The following RAE1 variants were observed in gnomAD, a reference collection of about 807,000 sequenced individuals.
RAE1 encodes ribonucleic acid export 1.
Under a neutral mutation model 52.7 loss-of-function variants are expected in RAE1, and 13 were observed. The observed-to-expected ratio is 0.25, with a 90% CI of 0.16 to 0.39. The LOEUF (loss-of-function observed/expected upper bound fraction) is 0.39. RAE1 is among the 10% of genes least tolerant of loss of function. The pLI is 1.00. For synonymous variants in RAE1, 164 were observed against 153.1 expected (o/e 1.07, Z -0.52); for missense variants, 262 against 459.8 (o/e 0.57, Z 3.93).
At chr20:57,369,283 T>C (rs1022853356) in intron 8 of RAE1, among the ~76,000 whole-genome samples, 8 of 152,246 alleles carry the variant, frequency 5.3e-5, no homozygotes, top group African/African-American at 1.9e-4. Context: ...AATTGGGTTC[T>C]CGTGGCAAGA....
chr20:57,376,755 A>G (rs1187333213), intron 11 of RAE1, among the ~76,000 whole-genome samples: 1 of 152,082 alleles, frequency 6.6e-6, no homozygotes, highest in East Asian at 1.9e-4. Flanking sequence ...TCTTCATTGA[A>G]TCTCCTCTTT....
At chr20:57,374,564 G>T (rs113848106) in intron 10 of RAE1, 43 bp from the exon 11 acceptor site, 10 of 1,554,894 alleles carry the variant, frequency 6.4e-6, no homozygotes, top group Non-Finnish European at 7.9e-6. Context: ...CCTTCTCTGC[G>T]CCCCTCTGCC....
intron 3 of RAE1, 97 bp downstream of exon 3, chr20:57,354,913 G>A: frequency 1.1e-6 from 1 of 914,420 alleles, no homozygotes. Context: ...TGAATCAGTT[G>A]GACTTATTTA....
intron 11 of RAE1, 28 bp from the exon 12 acceptor site, chr20:57,377,985 G>A (rs2067140343): frequency 6.6e-7 from 1 of 1,519,576 alleles, no homozygotes; most frequent in African/African-American, 1.4e-5. Flanking sequence ...TGAATAATAA[G>A]ATCATTGGTG....
intron 5 of RAE1, among the ~76,000 whole-genome samples, chr20:57,365,676 G>A (rs2066945360): frequency 6.6e-6 from 1 of 152,146 alleles, no homozygotes; most frequent in South Asian, 2.1e-4. Context: ...TATATGTATG[G>A]ATGGAGTCAT....
Position 57,365,451 on chromosome 20 carries a change from A to G in RAE1, c.375+9A>G. ...CGATACAGATCGCACAGGTAACAGA[A>G]GCCTCTGCAGAAAGGCTAGGCACAA... On this transcript the variant is annotated intron_variant, in intron 5 of 11. Coordinates refer to ENST00000395841, the MANE Select transcript of RAE1 (RefSeq NM_003610.4). 3.2e-6 allele frequency: 5 copies of G among 1,580,806 alleles called. No homozygotes were observed. Among genetic ancestry groups the G allele is most frequent in the Non-Finnish European group, 4.3e-6 (5 of 1,159,322 alleles).
chr20:57,377,192 A>G (rs2067128388), intron 11 of RAE1, among the ~76,000 whole-genome samples: 1 of 152,216 alleles, frequency 6.6e-6, no homozygotes, highest in African/African-American at 2.4e-5. Context: ...TGGGAAGAGA[A>G]TAAAAATGTG....
chr20:57,361,393 C>G (rs148766323), intron 4 of RAE1, among the ~76,000 whole-genome samples: 2,625 of 152,024 alleles, frequency 0.017, 38 homozygotes, highest in Non-Finnish European at 0.026. Context: ...TTGGGGTGTT[C>G]GTGGTTAAAA....
chr20:57,375,521 C>T (rs1413720490), intron 11 of RAE1, among the ~76,000 whole-genome samples: 2 of 152,102 alleles, frequency 1.3e-5, no homozygotes, highest in Non-Finnish European at 2.9e-5. Context: ...GCGCTGACCC[C>T]GTCTCCTTCC....
chr20:57,354,302 C>G (rs1242083630), intron 2 of RAE1, among the ~76,000 whole-genome samples, 174 bp downstream of exon 2: 1 of 152,232 alleles, frequency 6.6e-6, no homozygotes, highest in Admixed American at 6.5e-5. Context: ...GTACTTGTGT[C>G]CTGTTCTTCC....
rs758243618 is a variant in RAE1 at position 57,356,449 on chromosome 20, C to G, written c.199C>G (p.Arg67Gly). 2 of 1,610,480 alleles carry G rather than the reference C, an allele frequency of 1.2e-6. No individual in the cohort carries two copies. Among genetic ancestry groups the G allele is most frequent in the Non-Finnish European group, 1.7e-6 (2 of 1,177,626 alleles). ...LIAGSWANDV[R>G]CWEVQDSGQT... ...TTGAATTTTTTTGTTACTACAGGTT[C>G]GCTGCTGGGAAGTTCAAGACAGTGG... is the stretch of plus-strand genomic sequence containing the variant. Residue 67 changes from arginine to glycine, a missense_variant, in exon 4 of 12, where the codon CGC (arginine) becomes GGC (glycine). Physicochemically the swap from Arg to Gly is moderately radical, Grantham distance 125. Coordinates refer to ENST00000395841, the MANE Select transcript of RAE1 (RefSeq NM_003610.4).
intron 1 of RAE1, among the ~76,000 whole-genome samples, chr20:57,352,810 C>T (rs1270019235): frequency 1.3e-5 from 2 of 152,180 alleles, no homozygotes; most frequent in Non-Finnish European, 2.9e-5. Context: ...CGTCCAAAGC[C>T]GTGTAACCAG....
chr20:57,374,563 C>T (rs765097410), intron 10 of RAE1, 44 bp from the exon 11 acceptor site: 20 of 1,549,598 alleles, frequency 1.3e-5, no homozygotes, highest in South Asian at 6.0e-5. Context: ...ACCTTCTCTG[C>T]GCCCCTCTGC....
chr20:57,366,768 CA>C lies in RAE1; in HGVS notation c.376-38del, dbSNP rs777642556. The stretch of plus-strand genomic sequence containing the variant: ...ACTAAAGCTGTTCAGCACATTCTTA[CA>C]TTTACCTTGATCTGTTTTGTTTTTG... On this transcript the variant is annotated intron_variant, in intron 5 of 11. Transcript: ENST00000395841. 6 of 1,536,660 alleles carry C rather than the reference CA, an allele frequency of 3.9e-6. No homozygotes were observed. The South Asian group carries it at 6.7e-5, about 17-fold the overall frequency.
intron 3 of RAE1, among the ~76,000 whole-genome samples, chr20:57,355,861 TAAAA>T (rs1273118469): frequency 6.6e-6 from 1 of 152,070 alleles, no homozygotes; most frequent in African/African-American, 2.4e-5. Flanking sequence ...ATTTGCTGCT[TAAAA>T]AAAGGATGTT....
Position 57,368,826 on chromosome 20 carries a change from C to G in RAE1, c.642+14C>G, listed in dbSNP as rs776987233. On this transcript the variant is annotated intron_variant, in intron 8 of 11. Coordinates refer to ENST00000395841, the MANE Select transcript of RAE1 (RefSeq NM_003610.4). ...CTGAAACATCAGGTGCGTCATTAGT[C>G]AAATCAAGAAGTATGTATTTAGCAC... The G allele has an allele frequency of 3.2e-6, 5 of 1,585,876 alleles. No individual in the cohort carries two copies. Among genetic ancestry groups the G allele is most frequent in the Non-Finnish European group, 4.3e-6 (5 of 1,156,708 alleles).
chr20:57,374,168 C>G (rs913642450), intron 10 of RAE1, among the ~76,000 whole-genome samples: 4 of 152,232 alleles, frequency 2.6e-5, no homozygotes, highest in Admixed American at 1.3e-4. Context: ...GCGTGAGCCA[C>G]CGCACTTGGC....
intron 4 of RAE1, chr20:57,358,901 C>G: frequency 7.7e-7 from 1 of 1,293,786 alleles, no homozygotes; most frequent in Non-Finnish European, 1.0e-6. Context: ...GGCCTGTAGG[C>G]TTGTTGGAGT....
chr20:57,351,751 C>G (rs896682618), intron 1 of RAE1: 1 of 985,418 alleles, frequency 1.0e-6, no homozygotes, highest in Non-Finnish European at 1.2e-6. Context: ...GAAGCTTTCC[C>G]TGGCCGCTTT....
Sources: gnomAD v4.1 joint callset for allele counts (sites outside exome capture counted in the v4.1 genomes callset) on GRCh38, gnomAD v4.1.1 for gene constraint, MANE v1.5 for transcripts, NCBI Gene and HGNC (gene_info 2026-07-23, HGNC 2026-07-21) for gene names.